The following SFI1 variants were observed in gnomAD, a reference collection of about 807,000 sequenced individuals.
SFI1 encodes protein SFI1 homolog.
Under a neutral mutation model 207.5 loss-of-function variants are expected in SFI1, and 195 were observed. The ratio of observed to expected loss-of-function variants is 0.94; its 90% confidence interval spans 0.84 to 1.06. The LOEUF (loss-of-function observed/expected upper bound fraction) is 1.06. Among genes scored for constraint, SFI1 ranks in the 50% least tolerant of loss-of-function variants. The pLI, the probability that SFI1 is intolerant of heterozygous loss-of-function variation, is 0.00. For missense variants in SFI1, 1,634 were observed against 1,588.0 expected, an observed-to-expected ratio of 1.03 and a Z score of -0.49; for synonymous variants, 630 against 598.9, an observed-to-expected ratio of 1.05 and a Z score of -0.76.
intron 9 of SFI1, 120 bp from the exon 10 acceptor site, chr22:31,575,092 GTGTGTGTGTGTGTGTGTGT>G: frequency 4.9e-6 from 1 of 205,466 alleles, no homozygotes; most frequent in Non-Finnish European, 7.4e-6. Flanking sequence ...GTGCGTGTGT[GTGTGTGTGTGTGTGTGTGT>G]GTGTGTGTGT....
intron 7 of SFI1, 47 bp downstream of exon 7, chr22:31,557,106 T>C: frequency 1.7e-6 from 2 of 1,184,514 alleles, no homozygotes; most frequent in Non-Finnish European, 2.4e-6. Context: ...TCATTTTACC[T>C]CATCAGCTTT....
chr22:31,559,933 G>A, intron 7 of SFI1: 1 of 569,256 alleles, frequency 1.8e-6, no homozygotes, highest in South Asian at 1.8e-5. Flanking sequence ...GGTCCAAGAA[G>A]AAATAAGTCT....
chr22:31,521,774 C>CT (rs555681918), intron 2 of SFI1, among the ~76,000 whole-genome samples: 1,777 of 149,464 alleles, frequency 0.012, 11 homozygotes, highest in Middle Eastern at 0.031. Context: ...CTTTTTTTTT[C>CT]TTTTTTTTTG....
In SFI1 at chr22:31,555,307, G is replaced by A. The variant is rs1160800643; in HGVS notation, c.545-1635G>A. On this transcript the variant is annotated intron_variant, in intron 6 of 32. Coordinates refer to ENST00000400288, the MANE Select transcript of SFI1 (RefSeq NM_001007467.3). ...GTTCGAGACCAGCCCAAGCAACATG[G>A]CAAAACCTCATCTCTACAAAAAAAT... Among the ~76,000 whole-genome samples the A allele has an allele frequency of 2.0e-5, 3 of 152,100 alleles. No individual in the cohort carries two copies. The East Asian group carries it at 5.8e-4, about 29-fold the overall frequency.
At chr22:31,557,926 A>C (rs1311224213) in intron 7 of SFI1, among the ~76,000 whole-genome samples, 1 of 152,158 alleles carries the variant, frequency 6.6e-6, no homozygotes, top group African/African-American at 2.4e-5. Flanking sequence ...ATTTCACTCT[A>C]TGTTGTCTGT....
intron 12 of SFI1, among the ~76,000 whole-genome samples, chr22:31,581,212 C>T (rs1306560834): frequency 1.3e-5 from 2 of 151,590 alleles, no homozygotes; most frequent in Non-Finnish European, 2.9e-5. Context: ...CTCCTGGGCT[C>T]AAGTGATCTG....
intron 1 of SFI1, chr22:31,497,188 TTGAA>T (rs1483702691): frequency 6.6e-6 from 1 of 152,140 alleles, no homozygotes; most frequent in African/African-American, 2.4e-5. Context: ...TAAATATTTG[TTGAA>T]TGAATGATGT....
intron 10 of SFI1, among the ~76,000 whole-genome samples, chr22:31,576,840 C>G (rs1374146905): frequency 6.6e-6 from 1 of 151,986 alleles, no homozygotes; most frequent in African/African-American, 2.4e-5. Flanking sequence ...CAGGGTTTCT[C>G]CATGTTAGTC....
At chr22:31,553,600 T>A (rs1403129511) in intron 6 of SFI1, among the ~76,000 whole-genome samples, 3 of 146,940 alleles carry the variant, frequency 2.0e-5, no homozygotes, top group Non-Finnish European at 4.5e-5. Context: ...CTGGAACTCC[T>A]GACCTCAGGG....
chr22:31,545,954 G>T (rs1602465672), intron 4 of SFI1, among the ~76,000 whole-genome samples: 2 of 146,348 alleles, frequency 1.4e-5, no homozygotes, highest in South Asian at 4.4e-4. Context: ...GTACAGTGGT[G>T]CAATCTCAGT....
chr22:31,502,893 C>A (rs2054028839), intron 1 of SFI1, among the ~76,000 whole-genome samples: 1 of 151,812 alleles, frequency 6.6e-6, no homozygotes, highest in Non-Finnish European at 1.5e-5. Flanking sequence ...GCGGGCAGAT[C>A]ACTTGAGGTC....
chr22:31,558,680 T>C (rs1361107550), intron 7 of SFI1, among the ~76,000 whole-genome samples: 5 of 152,138 alleles, frequency 3.3e-5, no homozygotes, highest in Non-Finnish European at 7.4e-5. Flanking sequence ...GGTTTCACCA[T>C]GTTGGCCAGC....
intron 14 of SFI1, among the ~76,000 whole-genome samples, chr22:31,586,940 CT>C (rs1468726491): frequency 4.6e-5 from 7 of 152,182 alleles, no homozygotes; most frequent in African/African-American, 1.7e-4. Flanking sequence ...TGAATATCAC[CT>C]CTTGGTATAG....
intron 27 of SFI1, 52 bp from the exon 28 acceptor site, chr22:31,614,737 C>T: frequency 6.3e-7 from 1 of 1,590,156 alleles, no homozygotes; most frequent in South Asian, 1.1e-5. Context: ...ATCTCAGACC[C>T]CCCTGCAGCC....
intron 4 of SFI1, among the ~76,000 whole-genome samples, chr22:31,544,251 CCTGA>C: frequency 6.6e-6 from 1 of 152,158 alleles, no homozygotes; most frequent in Admixed American, 6.6e-5. Flanking sequence ...TTACCTTTTT[CCTGA>C]CTAATTTCTC....
At chr22:31,612,674 A>T (rs1406957662) in intron 24 of SFI1, 1 of 161,474 alleles carries the variant, frequency 6.2e-6, no homozygotes. Flanking sequence ...GTGAGCTGTG[A>T]TCATGCCACT....
intron 28 of SFI1, 64 bp downstream of exon 28, chr22:31,614,924 G>T: frequency 6.3e-7 from 1 of 1,593,188 alleles, no homozygotes; most frequent in Non-Finnish European, 8.6e-7. Context: ...AAAGGCAGCG[G>T]GCACCTCCAT....
chr22:31,536,942 G>A (rs2147589283), intron 4 of SFI1, among the ~76,000 whole-genome samples: 1 of 151,328 alleles, frequency 6.6e-6, no homozygotes, highest in Non-Finnish European at 1.5e-5. Flanking sequence ...TAGAGACAGG[G>A]TCTCACTATG....
At position 31,593,784 on chromosome 22, in the gene SFI1, A is replaced by G. The variant is rs1418501419; in HGVS notation, c.1544+4207A>G. ...CGAGGTTGGTGGATCACTCGCGGTT[A>G]GGGGCTGGAGACCGGCCCGGCCAAC... On this transcript the variant is annotated intron_variant, in intron 15 of 32. Coordinates refer to ENST00000400288, the MANE Select transcript of SFI1 (RefSeq NM_001007467.3). Among the ~76,000 whole-genome samples the G allele has an allele frequency of 1.0e-4, 15 of 150,532 alleles. No homozygotes were observed. The East Asian group carries it at 3.0e-3, about 30-fold the overall frequency.
Sources: allele counts gnomAD v4.1 joint callset (sites outside exome capture counted in the v4.1 genomes callset), GRCh38; gene constraint gnomAD v4.1.1; transcripts MANE v1.5; gene names NCBI Gene and HGNC (gene_info 2026-07-23, HGNC 2026-07-21).